EYA4: variants seen among roughly 807,000 people sequenced by gnomAD.
EYA4 encodes protein phosphatase EYA4.
A neutral mutation model predicts 87.9 loss-of-function variants in EYA4; 31 were observed. The observed-to-expected ratio is 0.35, with a 90% CI of 0.27 to 0.48. EYA4 has a LOEUF of 0.48. EYA4 is among the 20% of genes least tolerant of loss of function. EYA4 has a pLI of 0.99. For synonymous variants in EYA4, 263 were observed against 270.6 expected (o/e 0.97, Z 0.28); for missense variants, 678 against 761.4 (o/e 0.89, Z 1.29).
At chr6:133,429,611 G>C (rs977298723) in intron 3 of EYA4, among the ~76,000 whole-genome samples, 3 of 152,182 alleles carry the variant, frequency 2.0e-5, no homozygotes, top group African/African-American at 4.8e-5. Flanking sequence ...ATAATAGCTA[G>C]AGGGGGGAAA....
At chr6:133,266,244 T>TAC (rs1307051875) in intron 1 of EYA4, among the ~76,000 whole-genome samples, 2 of 152,156 alleles carry the variant, frequency 1.3e-5, no homozygotes, top group South Asian at 2.1e-4. Flanking sequence ...TACAGAGACA[T>TAC]ACACACACAC....
At chr6:133,484,244 G>C (rs1796498712) in intron 13 of EYA4, among the ~76,000 whole-genome samples, 1 of 152,112 alleles carries the variant, frequency 6.6e-6, no homozygotes, top group Admixed American at 6.5e-5. Flanking sequence ...TTGTATCTTT[G>C]GTTCCTTTAC....
At chr6:133,366,831 G>A (rs1019855168) in intron 2 of EYA4, among the ~76,000 whole-genome samples, 1 of 152,102 alleles carries the variant, frequency 6.6e-6, no homozygotes, top group Non-Finnish European at 1.5e-5. Context: ...AGCAATTTAG[G>A]GGCTTATTGA....
At chr6:133,284,812 A>G (rs1349868034) in intron 2 of EYA4, among the ~76,000 whole-genome samples, 1 of 152,176 alleles carries the variant, frequency 6.6e-6, no homozygotes, top group African/African-American at 2.4e-5. Flanking sequence ...GACAAAATGG[A>G]CGCATATTAC....
chr6:133,465,094 A>T (rs1004883734), intron 10 of EYA4, among the ~76,000 whole-genome samples: 1 of 152,096 alleles, frequency 6.6e-6, no homozygotes, highest in Non-Finnish European at 1.5e-5. Flanking sequence ...TTTATGCTGT[A>T]GTTGTTTTAA....
chr6:133,386,787 G>A (rs1344855672), intron 3 of EYA4, among the ~76,000 whole-genome samples: 1 of 152,134 alleles, frequency 6.6e-6, no homozygotes, highest in African/African-American at 2.4e-5. Flanking sequence ...ATATAGTAAG[G>A]AGATCTAAGG....
At chr6:133,291,686 G>A (rs147519275) in intron 2 of EYA4, among the ~76,000 whole-genome samples, 127 of 152,244 alleles carry the variant, frequency 8.3e-4, no homozygotes, top group African/African-American at 3.0e-3. Context: ...GAGGCAAATA[G>A]TGCCAAGGTG....
intron 1 of EYA4, among the ~76,000 whole-genome samples, chr6:133,244,695 G>A (rs1455921816): frequency 6.6e-6 from 1 of 151,208 alleles, no homozygotes; most frequent in South Asian, 2.1e-4. Flanking sequence ...TTGTACTTTG[G>A]GGTGTAAATA....
At chr6:133,377,015 A>G (rs1036179142) in intron 2 of EYA4, among the ~76,000 whole-genome samples, 4 of 151,930 alleles carry the variant, frequency 2.6e-5, no homozygotes, top group African/African-American at 9.7e-5. Context: ...CTTTATTTTC[A>G]TCTCAGCACT....
intron 2 of EYA4, among the ~76,000 whole-genome samples, chr6:133,359,574 A>G (rs1271459446): frequency 1.3e-5 from 2 of 152,226 alleles, no homozygotes; most frequent in Non-Finnish European, 2.9e-5. Flanking sequence ...GTGTAAAGTA[A>G]TAGCCAATGG....
chr6:133,459,251 T>A (rs56182562), intron 6 of EYA4, among the ~76,000 whole-genome samples: 23,155 of 152,066 alleles, frequency 0.15, 2,833 homozygotes, highest in African/African-American at 0.32. Context: ...TTAATAGAAA[T>A]TTGTAAAGGT....
At chr6:133,476,711 A>G (rs570600962) in intron 11 of EYA4, among the ~76,000 whole-genome samples, 3 of 152,270 alleles carry the variant, frequency 2.0e-5, no homozygotes, top group African/African-American at 7.2e-5. Context: ...TGCAATGAAC[A>G]TGGAAGTGCA....
At chr6:133,335,594 G>A (rs1393644602) in intron 2 of EYA4, among the ~76,000 whole-genome samples, 1 of 152,162 alleles carries the variant, frequency 6.6e-6, no homozygotes, top group South Asian at 2.1e-4. Flanking sequence ...GTAGTTAAAT[G>A]GTTTCTCTGA....
chr6:133,322,438 A>T (rs1033219892), intron 2 of EYA4, among the ~76,000 whole-genome samples: 22 of 152,332 alleles, frequency 1.4e-4, no homozygotes, highest in African/African-American at 4.6e-4. Context: ...TAAGAAACAC[A>T]TGATTATTGT....
chr6:133,477,865 T>C (rs1301925322), intron 11 of EYA4, among the ~76,000 whole-genome samples: 1 of 151,898 alleles, frequency 6.6e-6, no homozygotes, highest in Non-Finnish European at 1.5e-5. Flanking sequence ...TAAATATATA[T>C]AATGTTTCAT....
At chr6:133,251,569 C>A (rs968204107) in intron 1 of EYA4, among the ~76,000 whole-genome samples, 1 of 152,126 alleles carries the variant, frequency 6.6e-6, no homozygotes, top group Admixed American at 6.5e-5. Flanking sequence ...AAAATGATAA[C>A]GTTGTACCTG....
chr6:133,442,462 G>C (rs932527389), intron 3 of EYA4, among the ~76,000 whole-genome samples: 4 of 151,946 alleles, frequency 2.6e-5, no homozygotes, highest in Admixed American at 2.6e-4. Flanking sequence ...ATTGACTGAA[G>C]TTATAATTTT....
At chr6:133,379,438 T>C (rs1286738047) in intron 2 of EYA4, among the ~76,000 whole-genome samples, 1 of 152,142 alleles carries the variant, frequency 6.6e-6, no homozygotes. Flanking sequence ...TTCTTGATGA[T>C]TCCTTTAACT....
chr6:133,394,451 G>C (rs1194291804), intron 3 of EYA4, among the ~76,000 whole-genome samples: 1 of 151,546 alleles, frequency 6.6e-6, no homozygotes, highest in Non-Finnish European at 1.5e-5. Context: ...TTATAAGCTT[G>C]TATTTAAAAA....
Sources: gnomAD v4.1 joint callset for allele counts (sites outside exome capture counted in the v4.1 genomes callset) on GRCh38, gnomAD v4.1.1 for gene constraint, MANE v1.5 for transcripts, NCBI Gene and HGNC (gene_info 2026-07-23, HGNC 2026-07-21) for gene names.